TMEM131L: variants seen among roughly 807,000 people sequenced by gnomAD.
TMEM131L encodes transmembrane 131 like, also known as transmembrane protein 131-like.
TMEM131L carries 54 observed loss-of-function variants against 192.2 expected under a neutral mutation model. That is an observed-to-expected ratio of 0.28 (90% confidence interval 0.23 to 0.35). The LOEUF (loss-of-function observed/expected upper bound fraction) is 0.35. Among genes scored for constraint, TMEM131L ranks in the 10% least tolerant of loss-of-function variants. The probability of loss-of-function intolerance (pLI) is 1.00; values close to 1 mark genes in which losing one functional copy is unlikely to be tolerated. For missense variants in TMEM131L, 1,888 were observed against 1,972.9 expected (o/e 0.96, Z 0.82); for synonymous variants, 701 against 704.9 (o/e 0.99, Z 0.09).
At chr4:153,469,818 C>T (rs956940375) in intron 2 of TMEM131L, among the ~76,000 whole-genome samples, 1 of 151,920 alleles carries the variant, frequency 6.6e-6, no homozygotes, top group Non-Finnish European at 1.5e-5. Flanking sequence ...CCCAGCTGCT[C>T]GGGAGGCTGA....
chr4:153,565,508 T>G lies in TMEM131L; in HGVS notation c.660+7140T>G, dbSNP rs190965101. Among the ~76,000 whole-genome samples, 13 of 152,372 alleles carry G rather than the reference T, an allele frequency of 8.5e-5. No individual in the cohort carries two copies. The East Asian group carries it at 2.5e-3, about 29-fold the overall frequency. ...CCAGTGAATGATTATTAACTTTTTG[T>G]AATTTTTGTAATAAGGGCACATTTT... On this transcript the variant is annotated intron_variant, in intron 7 of 34. Transcript: ENST00000409959.
At chr4:153,557,191 C>T (rs943951008) in intron 6 of TMEM131L, 109 bp downstream of exon 6, 4 of 659,432 alleles carry the variant, frequency 6.1e-6, no homozygotes, top group Admixed American at 5.9e-5. Flanking sequence ...TGGTTTATGT[C>T]GTTAAAATAC....
chr4:153,543,600 C>T (rs1736958018), intron 3 of TMEM131L, among the ~76,000 whole-genome samples: 1 of 152,180 alleles, frequency 6.6e-6, no homozygotes. Context: ...ACCCCCCAGG[C>T]TGGGACTTTT....
rs78352284 is a variant in TMEM131L at position 153,534,897 on chromosome 4, C to T, written c.240-15176C>T. On this transcript the variant is annotated intron_variant, in intron 3 of 34. Coordinates refer to ENST00000409959, the MANE Select transcript of TMEM131L (RefSeq NM_001131007.2). ...CAGAAGACCCTTGTGGTGAGAGCAC[C>T]GTGGGTACAGACCTGGAGAGGGGTG... Among the ~76,000 whole-genome samples the T allele has an allele frequency of 5.2e-3, 797 of 152,278 alleles. 8 individuals carry two copies. The highest frequency in any genetic ancestry group is 0.018 in the African/African-American group (745 of 41,556).
At chr4:153,467,322 G>A in intron 2 of TMEM131L, 41 bp downstream of exon 2, 1 of 1,524,380 alleles carries the variant, frequency 6.6e-7, no homozygotes, top group African/African-American at 1.4e-5. Context: ...GGGTGTACGA[G>A]GGAGGAGAGG....
chr4:153,485,043 C>T (rs944788202), intron 3 of TMEM131L, among the ~76,000 whole-genome samples: 2 of 147,158 alleles, frequency 1.4e-5, no homozygotes, highest in African/African-American at 2.5e-5. Flanking sequence ...GGCATGAACC[C>T]GGGAAGTGGA....
chr4:153,576,473 G>C (rs1367209656), intron 7 of TMEM131L, among the ~76,000 whole-genome samples: 1 of 152,024 alleles, frequency 6.6e-6, no homozygotes, highest in South Asian at 2.1e-4. Flanking sequence ...AAATATATCC[G>C]TCCAGAGATT....
chr4:153,546,192 A>T (rs1343079870), intron 3 of TMEM131L, among the ~76,000 whole-genome samples: 4 of 147,134 alleles, frequency 2.7e-5, no homozygotes, highest in African/African-American at 1.0e-4. Flanking sequence ...CACCCGGTCC[A>T]TTTTTCTCTT....
chr4:153,473,371 C>G (rs996099118), intron 2 of TMEM131L, among the ~76,000 whole-genome samples: 5 of 152,188 alleles, frequency 3.3e-5, no homozygotes, highest in African/African-American at 1.2e-4. Context: ...TCTAATACAG[C>G]CGGGGCTACT....
intron 3 of TMEM131L, among the ~76,000 whole-genome samples, chr4:153,490,111 A>G (rs1311412881): frequency 6.6e-6 from 1 of 152,122 alleles, no homozygotes; most frequent in Non-Finnish European, 1.5e-5. Flanking sequence ...CGTGTATTTC[A>G]GCTGCAGTTT....
intron 3 of TMEM131L, among the ~76,000 whole-genome samples, chr4:153,528,945 T>A (rs1239761641): frequency 6.6e-6 from 1 of 152,146 alleles, no homozygotes; most frequent in Non-Finnish European, 1.5e-5. Context: ...AGGGTAAGTT[T>A]CTGTGGGTCT....
At position 153,557,077 on chromosome 4, in the gene TMEM131L, T is replaced by TA. The variant is rs1561189821; in HGVS notation, c.545dup (p.Tyr182Ter). The change falls in exon 6 of 35, where the codon TAT (tyrosine) becomes TAAT (stop). Residue 182 changes from tyrosine to a stop codon, truncating the protein, a stop_gained and frameshift_variant. Transcript: ENST00000409959. LOFTEE classifies it high-confidence loss of function. ...INTSSYGVLS[Y>*]HVSGIGTRRI... ...TACCTCTTCGTATGGAGTCCTTTCC[T>TA]ATCATGTGAGTAACTTTTTCCTTTT... 7.2e-7 allele frequency: 1 copy of TA among 1,389,604 alleles called. No individual in the cohort carries two copies. The highest frequency in any genetic ancestry group is 1.0e-6 in the Non-Finnish European group (1 of 979,644). 86.1% of individuals were successfully genotyped at this position (1,389,604 alleles called of 1,614,324 possible).
At chr4:153,568,284 C>T (rs79052915) in intron 7 of TMEM131L, among the ~76,000 whole-genome samples, 2 of 152,196 alleles carry the variant, frequency 1.3e-5, no homozygotes, top group South Asian at 2.1e-4. Flanking sequence ...GGGTGTTCTC[C>T]CTCCCCTCAC....
chr4:153,558,372 AT>A lies in TMEM131L; in HGVS notation c.660+8del. 1 of 1,544,768 alleles carries A rather than the reference AT, an allele frequency of 6.5e-7. No homozygotes were observed. The highest frequency in any genetic ancestry group is 8.9e-7 in the Non-Finnish European group (1 of 1,122,186). On this transcript the variant is annotated splice_donor_5th_base_variant and intron_variant, in intron 7 of 34. Transcript: ENST00000409959. ...CATTCAGCTGTCTCAAATGCAGGTCATTTTAATAGATTTACTTTGAATGCTG... is the reference window on the plus strand; with the variant it reads ...CATTCAGCTGTCTCAAATGCAGGTCATTTAATAGATTTACTTTGAATGCTG...
At chr4:153,610,298 A>T (rs1048274440) in intron 25 of TMEM131L, among the ~76,000 whole-genome samples, 22 of 152,218 alleles carry the variant, frequency 1.4e-4, no homozygotes, top group African/African-American at 4.8e-4. Flanking sequence ...TTATTAAAGG[A>T]AGCAGTTGAT....
intron 4 of TMEM131L, among the ~76,000 whole-genome samples, chr4:153,553,391 TA>T (rs1196402609): frequency 2.0e-5 from 3 of 151,974 alleles, no homozygotes; most frequent in African/African-American, 4.8e-5. Flanking sequence ...AGAGCACTCA[TA>T]ATGCTATTTT....
rs34750703 is a variant in TMEM131L, at chr4:153,501,202, G to GTT, written c.239+27334_239+27335dup. On this transcript the variant is annotated intron_variant, in intron 3 of 34. Transcript: ENST00000409959. Reference sequence around the variant, plus strand: ...TGCCCACCTCACAGGGGTTTTGCAAGTTTTTTTTTTTTTTTTTTTTTGAGA... The same window carrying GTT: ...TGCCCACCTCACAGGGGTTTTGCAAGTTTTTTTTTTTTTTTTTTTTTTTGAGA... 4.0e-3 allele frequency among the ~76,000 whole-genome samples: 506 copies of GTT among 127,504 alleles called. 1 individual carries two copies. Among genetic ancestry groups the GTT allele is most frequent in the African/African-American group, 0.011 (373 of 32,540 alleles). 83.6% of individuals were successfully genotyped at this position (127,504 alleles called of 152,430 possible).
At chr4:153,480,111 G>A (rs1316167500) in intron 3 of TMEM131L, among the ~76,000 whole-genome samples, 2 of 152,088 alleles carry the variant, frequency 1.3e-5, no homozygotes, top group Admixed American at 1.3e-4. Context: ...AGGCTGAGGC[G>A]GGCAGATCAG....
chr4:153,518,734 T>TA (rs1382806798), intron 3 of TMEM131L, among the ~76,000 whole-genome samples: 2 of 152,208 alleles, frequency 1.3e-5, no homozygotes, highest in African/African-American at 2.4e-5. Flanking sequence ...GAGTTTACTG[T>TA]AAAAATCAAT....
Sources: allele counts gnomAD v4.1 joint callset (sites outside exome capture counted in the v4.1 genomes callset), GRCh38; gene constraint gnomAD v4.1.1; transcripts MANE v1.5; gene names NCBI Gene and HGNC (gene_info 2026-07-23, HGNC 2026-07-21).